Variants in ITPR1 observed in about 807,000 individuals in gnomAD.
ITPR1 encodes the protein inositol 1,4,5-trisphosphate-gated calcium channel ITPR1.
ITPR1 carries 96 observed loss-of-function variants against 318.4 expected under a neutral mutation model. The observed-to-expected ratio is 0.30, with a 90% confidence interval of 0.26 to 0.36. The LOEUF (loss-of-function observed/expected upper bound fraction) is 0.36. ITPR1 is among the 10% of genes least tolerant of loss of function. The pLI is 1.00. For missense variants in ITPR1, 2,440 were observed against 3,460.2 expected (o/e 0.71, Z 7.40); for synonymous variants, 1,312 against 1,289.9 (o/e 1.02, Z -0.37).
chr3:4,587,454 A>G (rs2090023158), intron 4 of ITPR1, among the ~76,000 whole-genome samples: 1 of 152,048 alleles, frequency 6.6e-6, no homozygotes, highest in Non-Finnish European at 1.5e-5. Context: ...TGTTTTTAGT[A>G]GAGACAGGGT....
At chr3:4,763,987 T>C (rs1053945918) in intron 44 of ITPR1, among the ~76,000 whole-genome samples, 3 of 152,228 alleles carry the variant, frequency 2.0e-5, no homozygotes, top group Admixed American at 6.5e-5. Flanking sequence ...GCTGCTTCCA[T>C]GCCATGAGAA....
intron 4 of ITPR1, among the ~76,000 whole-genome samples, chr3:4,549,588 T>G (rs1355611763): frequency 6.6e-6 from 1 of 151,778 alleles, no homozygotes; most frequent in Non-Finnish European, 1.5e-5. Context: ...AACATTTTGG[T>G]ATCTCTGACC....
intron 55 of ITPR1, among the ~76,000 whole-genome samples, chr3:4,810,380 C>A (rs1382363980): frequency 6.6e-6 from 1 of 152,198 alleles, no homozygotes; most frequent in Non-Finnish European, 1.5e-5. Flanking sequence ...GGAAAACTAG[C>A]CATCATCCTC....
intron 40 of ITPR1, among the ~76,000 whole-genome samples, chr3:4,721,686 G>A (rs1003807658): frequency 3.3e-5 from 5 of 152,112 alleles, no homozygotes; most frequent in Admixed American, 1.3e-4. Flanking sequence ...TTTTTGAATT[G>A]CATTCGGTTT....
intron 30 of ITPR1, 62 bp from the exon 31 acceptor site, chr3:4,688,433 T>A: frequency 6.3e-7 from 1 of 1,599,504 alleles, no homozygotes; most frequent in South Asian, 1.1e-5. Context: ...AGGTGTTGGG[T>A]ATAGGAGAAG....
chr3:4,595,344 A>G (rs565188559), intron 4 of ITPR1, among the ~76,000 whole-genome samples: 1 of 152,148 alleles, frequency 6.6e-6, no homozygotes, highest in African/African-American at 2.4e-5. Context: ...AGCGAGAGAG[A>G]GAGTGGTGAG....
rs141770729 is a variant in ITPR1, at chr3:4,625,378, T to A, written c.164-2385T>A. On this transcript the variant is annotated intron_variant, in intron 4 of 61. Transcript: ENST00000649015. Reference sequence around the variant, plus strand: ...CAAATCCATTTTTCTTATTTTGAGATATTTATTTGACTAGGACAATAGCTA... The same window carrying A: ...CAAATCCATTTTTCTTATTTTGAGAAATTTATTTGACTAGGACAATAGCTA... 4.5e-3 allele frequency among the ~76,000 whole-genome samples: 678 copies of A among 152,260 alleles called. 6 individuals carry two copies. Among genetic ancestry groups the A allele is most frequent in the African/African-American group, 0.016 (651 of 41,548 alleles).
intron 12 of ITPR1, among the ~76,000 whole-genome samples, chr3:4,656,425 C>A (rs7630009): frequency 0.65 from 98,603 of 152,088 alleles, 32,465 homozygotes; most frequent in Non-Finnish European, 0.7. Flanking sequence ...TCCTAAACTG[C>A]AGTTGTAGAA....
chr3:4,842,371 C>G, intron 61 of ITPR1, among the ~76,000 whole-genome samples: 1 of 152,256 alleles, frequency 6.6e-6, no homozygotes, highest in East Asian at 1.9e-4. Flanking sequence ...GGGTTTTTTG[C>G]TTTGTTTTGT....
chr3:4,724,995 A>C (rs1419906440), intron 40 of ITPR1, among the ~76,000 whole-genome samples: 1 of 152,150 alleles, frequency 6.6e-6, no homozygotes, highest in East Asian at 1.9e-4. Flanking sequence ...GGGAGACTGC[A>C]TCCCCTAAGC....
chr3:4,710,530 A>T lies in ITPR1; in HGVS notation c.4991+57A>T. 6.6e-7 allele frequency: 1 copy of T among 1,508,104 alleles called. No individual in the cohort carries two copies. The highest frequency in any genetic ancestry group is 9.0e-7 in the Non-Finnish European group (1 of 1,113,990). 93.4% of individuals were successfully genotyped at this position (1,508,104 alleles called of 1,614,324 possible). Reference sequence around the variant, plus strand: ...TGCCAGAACCTTGATGACCTCACAAAGCTTTTGTTCCCGAAGAAGGAGACG... The same window carrying T: ...TGCCAGAACCTTGATGACCTCACAATGCTTTTGTTCCCGAAGAAGGAGACG... On this transcript the variant is annotated intron_variant, in intron 38 of 61. Coordinates refer to ENST00000649015, the MANE Select transcript of ITPR1 (RefSeq NM_001378452.1). This position sits in a 1 kb window ranked among gnomAD's most constrained non-coding sequence, Gnocchi z 4.2.
chr3:4,597,455 G>A (rs2090922135), intron 4 of ITPR1, among the ~76,000 whole-genome samples: 1 of 152,164 alleles, frequency 6.6e-6, no homozygotes, highest in East Asian at 1.9e-4. Context: ...ACTGTAGTGT[G>A]GTAAGGAAAT....
intron 44 of ITPR1, among the ~76,000 whole-genome samples, chr3:4,760,114 G>C (rs1424820570): frequency 6.6e-6 from 1 of 152,278 alleles, no homozygotes; most frequent in Admixed American, 6.5e-5. Flanking sequence ...GCAGATGGGA[G>C]GAGAGTTGGT....
intron 10 of ITPR1, 73 bp downstream of exon 10, chr3:4,645,801 A>G (rs201304424): frequency 9.7e-6 from 13 of 1,341,974 alleles, no homozygotes; most frequent in South Asian, 3.7e-5. Context: ...CTCTCTCTCT[A>G]TCCTACAAAT....
intron 44 of ITPR1, among the ~76,000 whole-genome samples, chr3:4,740,829 G>A (rs906993784): frequency 1.3e-5 from 2 of 152,198 alleles, no homozygotes; most frequent in African/African-American, 2.4e-5. Flanking sequence ...CGGGTGACAC[G>A]TTGTCAGGTG....
In ITPR1 at chr3:4,735,420, G is replaced by A. The variant is rs1435294819; in HGVS notation, c.5544+66G>A. On this transcript the variant is annotated intron_variant, in intron 44 of 61. Coordinates refer to ENST00000649015, the MANE Select transcript of ITPR1 (RefSeq NM_001378452.1). The stretch of plus-strand genomic sequence containing the variant: ...AGCAGGAGGAGAGTCTGTTCTGGGA[G>A]CCAGATGTCTGGGTGGTACCAAGCC... The A allele has an allele frequency of 5.1e-6, 7 of 1,364,848 alleles. No homozygotes were observed. In the East Asian group the frequency reaches 1.4e-4, roughly 27 times the overall value. 84.5% of individuals were successfully genotyped at this position (1,364,848 alleles called of 1,614,324 possible). A position where few individuals can be genotyped will look rare whatever the true frequency, so the allele number is the denominator to read the frequency against.
chr3:4,836,731 C>G (rs1451264311), intron 60 of ITPR1, 43 bp from the exon 61 acceptor site: 11 of 1,297,298 alleles, frequency 8.5e-6, no homozygotes, highest in Non-Finnish European at 1.1e-5. Flanking sequence ...AGAAGTGACT[C>G]AGTCTTTTTT....
At chr3:4,513,573 T>C (rs1443209696) in intron 2 of ITPR1, among the ~76,000 whole-genome samples, 1 of 152,240 alleles carries the variant, frequency 6.6e-6, no homozygotes, top group Non-Finnish European at 1.5e-5. Context: ...AGGTTACTTA[T>C]TCACTTATCT....
At chr3:4,689,449 C>T (rs146533529) in intron 31 of ITPR1, among the ~76,000 whole-genome samples, 37 of 152,328 alleles carry the variant, frequency 2.4e-4, no homozygotes, top group African/African-American at 8.2e-4. Flanking sequence ...CTTTTGAGTG[C>T]CAGTGTGATG....
Sources: allele counts gnomAD v4.1 joint callset (sites outside exome capture counted in the v4.1 genomes callset), GRCh38; gene constraint gnomAD v4.1.1; non-coding constraint Gnocchi (gnomAD v3.1); transcripts MANE v1.5; gene names NCBI Gene and HGNC (gene_info 2026-07-23, HGNC 2026-07-21).